RPS6KA3: variants seen among roughly 807,000 people sequenced by gnomAD.
RPS6KA3 encodes ribosomal protein S6 kinase A3, also known as ribosomal protein S6 kinase alpha-3.
In RPS6KA3, 4 loss-of-function variants were observed where a neutral mutation model predicts 67.2. The ratio of observed to expected loss-of-function variants is 0.06; its 90% CI spans 0.03 to 0.14. The LOEUF (loss-of-function observed/expected upper bound fraction) is 0.14. RPS6KA3 is among the 10% of genes least tolerant of loss of function. RPS6KA3 has a pLI of 1.00. For synonymous variants in RPS6KA3, 182 were observed against 183.7 expected, an observed-to-expected ratio of 0.99 and a Z score of 0.07; for missense variants, 204 against 559.0, an observed-to-expected ratio of 0.36 and a Z score of 6.40.
rs773259872 is a variant in RPS6KA3, at chrX:20,151,019, A to C, written c.*4379T>G. ...TATGCCCTGTTATGAACAGTTAAAA[A>C]ACTAGAATCAAAGTGGTAAATGTGA... On this transcript the variant is annotated 3_prime_UTR_variant, in exon 22 of 22. Transcript: ENST00000379565. 1.8e-5 allele frequency: 2 copies of C among 112,494 alleles called. No homozygotes were observed. Among genetic ancestry groups the C allele is most frequent in the East Asian group, 5.6e-4 (2 of 3,594 alleles). The allele number at this position is 112,494 out of a possible 1,213,427, so 9.3% of individuals were successfully genotyped here.
chrX:20,205,740 G>A (rs1299896696), intron 3 of RPS6KA3, among the ~76,000 whole-genome samples: 1 of 112,085 alleles, frequency 8.9e-6, no homozygotes, highest in East Asian at 2.8e-4. Context: ...AATCTGATTA[G>A]GTAGAGATAA....
chrX:20,252,429 G>A (rs374837354), intron 1 of RPS6KA3, among the ~76,000 whole-genome samples: 24 of 107,254 alleles, frequency 2.2e-4, no homozygotes, highest in African/African-American at 6.2e-4. Context: ...TTTTTTCCCC[G>A]AAGCAGGCAG....
intron 1 of RPS6KA3, among the ~76,000 whole-genome samples, chrX:20,261,193 G>C (rs2147082753): frequency 9.0e-6 from 1 of 111,284 alleles, no homozygotes; most frequent in South Asian, 3.8e-4. Flanking sequence ...AATGGGCACA[G>C]TACATACAAT....
chrX:20,257,815 G>A (rs924520750), intron 1 of RPS6KA3, among the ~76,000 whole-genome samples: 1 of 111,409 alleles, frequency 9.0e-6, no homozygotes, highest in Non-Finnish European at 1.9e-5. Context: ...GAGGAAACTT[G>A]TAATTACAAC....
chrX:20,171,451 A>C (rs2067571560), intron 15 of RPS6KA3, among the ~76,000 whole-genome samples: 1 of 111,750 alleles, frequency 8.9e-6, no homozygotes, highest in Non-Finnish European at 1.9e-5. Context: ...TTAAGAGATG[A>C]CCTGGGACTA....
At chrX:20,174,266 G>A (rs2067641925) in intron 14 of RPS6KA3, among the ~76,000 whole-genome samples, 1 of 111,131 alleles carries the variant, frequency 9.0e-6, no homozygotes, top group South Asian at 3.8e-4. Context: ...AACAAACTCG[G>A]CATGAAAAAC....
chrX:20,187,739 A>C, intron 9 of RPS6KA3, 89 bp downstream of exon 9: 1 of 792,142 alleles, frequency 1.3e-6, no homozygotes, highest in Non-Finnish European at 1.9e-6. Flanking sequence ...AAATAAAGAA[A>C]ATAAAAACAC....
At chrX:20,232,000 A>G (rs1165412486) in intron 2 of RPS6KA3, among the ~76,000 whole-genome samples, 3 of 111,828 alleles carry the variant, frequency 2.7e-5, no homozygotes, top group African/African-American at 9.8e-5. Flanking sequence ...ATACATGATA[A>G]AAGAGGTATC....
At chrX:20,216,876 A>T (rs1489026108) in intron 2 of RPS6KA3, among the ~76,000 whole-genome samples, 1 of 111,731 alleles carries the variant, frequency 9.0e-6, no homozygotes, top group East Asian at 2.8e-4. Flanking sequence ...AATGTTTCTG[A>T]TCTATGACAT....
At chrX:20,217,721 A>C (rs2068889988) in intron 2 of RPS6KA3, among the ~76,000 whole-genome samples, 1 of 112,200 alleles carries the variant, frequency 8.9e-6, no homozygotes, top group Non-Finnish European at 1.9e-5. Flanking sequence ...ATTCTAAATT[A>C]AACTATCACC....
intron 4 of RPS6KA3, among the ~76,000 whole-genome samples, chrX:20,199,471 T>A (rs1483708686): frequency 2.7e-5 from 3 of 111,277 alleles, no homozygotes; most frequent in Non-Finnish European, 3.8e-5. Flanking sequence ...ATAGAAGAGT[T>A]GGAAGATGGT....
At chrX:20,208,429 T>C (rs1263676036) in intron 3 of RPS6KA3, among the ~76,000 whole-genome samples, 1 of 111,593 alleles carries the variant, frequency 9.0e-6, no homozygotes, top group Admixed American at 9.5e-5. Context: ...AGATGTTGCA[T>C]CTTCGGCCGG....
At chrX:20,204,824 C>T (rs1444381764) in intron 3 of RPS6KA3, among the ~76,000 whole-genome samples, 2 of 111,044 alleles carry the variant, frequency 1.8e-5, no homozygotes, top group East Asian at 2.8e-4. Context: ...CACTTGAACC[C>T]GGGAGGTGGA....
At chrX:20,191,557 G>A (rs954207072) in intron 7 of RPS6KA3, among the ~76,000 whole-genome samples, 2 of 111,079 alleles carry the variant, frequency 1.8e-5, no homozygotes, top group African/African-American at 3.3e-5. Flanking sequence ...TTTAATGATC[G>A]CCATTCTAAC....
At chrX:20,208,388 G>A (rs1363672283) in intron 3 of RPS6KA3, among the ~76,000 whole-genome samples, 3 of 111,057 alleles carry the variant, frequency 2.7e-5, no homozygotes, top group African/African-American at 6.6e-5. Flanking sequence ...TATGTGGTGG[G>A]AGACAAGCGC....
rs2068307764 is a variant in RPS6KA3 at position 20,197,662 on chromosome X, A to C, written c.326-2517T>G. 4.5e-5 allele frequency among the ~76,000 whole-genome samples: 5 copies of C among 112,038 alleles called. No individual in the cohort carries two copies. In the South Asian group the frequency reaches 1.8e-3, roughly 41 times the overall value. On this transcript the variant is annotated intron_variant, in intron 4 of 21. Coordinates refer to ENST00000379565, the MANE Select transcript of RPS6KA3 (RefSeq NM_004586.3). ...GAGCAGTGAGAGTCCTTCTCTAAAG[A>C]ATTCCTTCATTTTGTCTGAGGTAGG...
chrX:20,155,120 G>A lies in RPS6KA3; in HGVS notation c.*278C>T. The stretch of plus-strand genomic sequence containing the variant: ...TACTTTATTCAGTGTATTTTTAGGT[G>A]GTATTCATATGTTCATTATTTTTCT... On this transcript the variant is annotated 3_prime_UTR_variant, in exon 22 of 22. Transcript: ENST00000379565. 1 of 351,271 alleles carries A rather than the reference G, an allele frequency of 2.8e-6. No homozygotes were observed. The highest frequency in any genetic ancestry group is 5.5e-5 in the East Asian group (1 of 18,265). The allele number at this position is 351,271 out of a possible 1,213,427, so 28.9% of individuals were successfully genotyped here.
At chrX:20,257,616 A>G (rs1364178963) in intron 1 of RPS6KA3, among the ~76,000 whole-genome samples, 1 of 112,406 alleles carries the variant, frequency 8.9e-6, no homozygotes, top group Non-Finnish European at 1.9e-5. Context: ...AAATGCTTTC[A>G]TATTTCAAAA....
At chrX:20,234,900 ATTGAGG>A in intron 1 of RPS6KA3, 86 bp from the exon 2 acceptor site, 4 of 686,484 alleles carry the variant, frequency 5.8e-6, no homozygotes, top group South Asian at 2.3e-5. Flanking sequence ...AAAAAAAAAA[ATTGAGG>A]AAGATTTTCA....
Sources: allele counts gnomAD v4.1 joint callset (sites outside exome capture counted in the v4.1 genomes callset), GRCh38; gene constraint gnomAD v4.1.1; transcripts MANE v1.5; gene names NCBI Gene and HGNC (gene_info 2026-07-23, HGNC 2026-07-21).